SYT17: variants seen among roughly 807,000 people sequenced by gnomAD.
SYT17 encodes the protein synaptotagmin 17.
A neutral mutation model predicts 46.7 loss-of-function variants in SYT17; 22 were observed. The observed-to-expected ratio is 0.47, with a 90% CI of 0.34 to 0.67. SYT17 has a LOEUF of 0.67. Ranked by LOEUF, SYT17 falls within the 30% of genes least tolerant of loss-of-function variation. SYT17 has a pLI of 0.01. For missense variants in SYT17, 519 were observed against 612.8 expected (o/e 0.85, Z 1.62); for synonymous variants, 251 against 248.4 (o/e 1.01, Z -0.10).
chr16:19,223,178 TCCC>T lies in SYT17; in HGVS notation c.1072+15_1072+17del. The T allele has an allele frequency of 1.2e-6, 2 of 1,611,486 alleles. No individual in the cohort carries two copies. The highest frequency in any genetic ancestry group is 1.7e-6 in the Non-Finnish European group (2 of 1,178,010). On this transcript the variant is annotated intron_variant, in intron 6 of 7. Coordinates refer to ENST00000355377, the MANE Select transcript of SYT17 (RefSeq NM_016524.4). ...AGCCAAGGTTCAGGTACCGTGTGAT[TCCC>T]CTCTTCTCTCACTTTATTAATGGGG...
At chr16:19,212,395 C>T (rs1239890303) in intron 5 of SYT17, among the ~76,000 whole-genome samples, 2 of 152,002 alleles carry the variant, frequency 1.3e-5, no homozygotes, top group African/African-American at 4.8e-5. Flanking sequence ...CCAAGGTGGG[C>T]AGATCACTTG....
chr16:19,181,039 C>A (rs1964534513), intron 4 of SYT17, among the ~76,000 whole-genome samples: 1 of 152,136 alleles, frequency 6.6e-6, no homozygotes, highest in East Asian at 1.9e-4. Context: ...AGCAAATGCC[C>A]CATTGAAAGG....
chr16:19,199,004 C>CTGG lies in SYT17; in HGVS notation c.951+14862_951+14864dup, dbSNP rs1290444201. ...GTCGGTGGGTGGGTGGCCCAGGTTTCTGGTGGTAAGCTCCAGAGAGAACAT... is the reference window on the plus strand; with the variant it reads ...GTCGGTGGGTGGGTGGCCCAGGTTTCTGGTGGTGGTAAGCTCCAGAGAGAACAT... On this transcript the variant is annotated intron_variant, in intron 5 of 7. Transcript: ENST00000355377. 2.0e-5 allele frequency among the ~76,000 whole-genome samples: 3 copies of CTGG among 152,120 alleles called. No homozygotes were observed. The East Asian group carries it at 5.8e-4, about 29-fold the overall frequency.
rs756756446 is a variant in SYT17, at chr16:19,168,635, G to A, written c.-12G>A. On this transcript the variant is annotated 5_prime_UTR_variant, in exon 1 of 8. Coordinates refer to ENST00000355377, the MANE Select transcript of SYT17 (RefSeq NM_016524.4). This position sits in a 1 kb window ranked among gnomAD's most constrained non-coding sequence, Gnocchi z 6.9. ...GCCATGCCCGGGCCGGAGTGAGTGCGCGCGGGCGAAAATGGCGTACATCCA... is the reference window on the plus strand; with the variant it reads ...GCCATGCCCGGGCCGGAGTGAGTGCACGCGGGCGAAAATGGCGTACATCCA... 1.3e-6 allele frequency: 2 copies of A among 1,538,632 alleles called. No individual in the cohort carries two copies. Among genetic ancestry groups the A allele is most frequent in the Admixed American group, 2.0e-5 (1 of 50,386 alleles).
At chr16:19,198,964 T>C (rs1965357489) in intron 5 of SYT17, among the ~76,000 whole-genome samples, 2 of 152,210 alleles carry the variant, frequency 1.3e-5, no homozygotes, top group Non-Finnish European at 1.5e-5. Context: ...AAGATGAGGC[T>C]ATGAGCTCTG....
Position 19,168,497 on chromosome 16 carries a change from C to G in SYT17, c.-150C>G. 9.3e-7 allele frequency: 1 copy of G among 1,080,598 alleles called. No individual in the cohort carries two copies. Among genetic ancestry groups the G allele is most frequent in the Non-Finnish European group, 1.3e-6 (1 of 760,046 alleles). 66.9% of individuals were successfully genotyped at this position (1,080,598 alleles called of 1,614,324 possible). On this transcript the variant is annotated 5_prime_UTR_variant, in exon 1 of 8. Coordinates refer to ENST00000355377, the MANE Select transcript of SYT17 (RefSeq NM_016524.4). This position sits in a 1 kb window ranked among gnomAD's most constrained non-coding sequence, Gnocchi z 6.9. ...GGGGCGGCCGGCGGAGGGGCGGGCG[C>G]CGCTCATCAGCCACGCCAGTCACGT...
chr16:19,219,551 C>G (rs1002999562), intron 5 of SYT17, among the ~76,000 whole-genome samples: 4 of 152,102 alleles, frequency 2.6e-5, no homozygotes, highest in African/African-American at 9.7e-5. Flanking sequence ...CACTCCCTTT[C>G]AATCAACTGC....
chr16:19,210,897 A>G (rs1340479626), intron 5 of SYT17, among the ~76,000 whole-genome samples: 1 of 152,170 alleles, frequency 6.6e-6, no homozygotes, highest in Admixed American at 6.5e-5. Flanking sequence ...TTCAAAGCAA[A>G]CCTGTCAGGA....
intron 5 of SYT17, among the ~76,000 whole-genome samples, chr16:19,208,291 T>A (rs1268550893): frequency 6.6e-6 from 1 of 152,140 alleles, no homozygotes; most frequent in Non-Finnish European, 1.5e-5. Context: ...TCTGCAATTA[T>A]TGGAGGTGTA....
chr16:19,183,779 GACCTGCTGCACA>G lies in SYT17; in HGVS notation c.587_598del (p.Leu196_Asn199del), dbSNP rs758761368. The G allele has an allele frequency of 6.2e-7, 1 of 1,614,162 alleles. No individual in the cohort carries two copies. Among genetic ancestry groups the G allele is most frequent in the South Asian group, 1.1e-5 (1 of 91,092 alleles). Reference sequence around the variant, plus strand: ...CATGCTGCACTTCAGCACTCAGTACGACCTGCTGCACAACCACCTCACCGTGCGCGTGATCGA... The same window carrying G: ...CATGCTGCACTTCAGCACTCAGTACGACCACCTCACCGTGCGCGTGATCGA... On this transcript the variant is annotated inframe_deletion, in exon 5 of 8. Transcript: ENST00000355377. This position sits in a 1 kb window ranked among gnomAD's most constrained non-coding sequence, Gnocchi z 5.6.
At chr16:19,223,480 G>A (rs1361832047) in intron 6 of SYT17, among the ~76,000 whole-genome samples, 4 of 152,218 alleles carry the variant, frequency 2.6e-5, no homozygotes, top group Admixed American at 2.0e-4. Flanking sequence ...CAATGAGCGT[G>A]GAGGACACAC....
rs772817598 is a variant in SYT17, at chr16:19,173,416, C to T, written c.34-14C>T. On this transcript the variant is annotated splice_polypyrimidine_tract_variant and intron_variant, in intron 2 of 7. Coordinates refer to ENST00000355377, the MANE Select transcript of SYT17 (RefSeq NM_016524.4). ...CTCCCCCATCCCCCCGCCCACCTCC[C>T]CCAATGGCCTCAGGGTTTTCTTTCT... is the stretch of plus-strand genomic sequence containing the variant. 6.8e-5 allele frequency: 105 copies of T among 1,541,292 alleles called. No homozygotes were observed. Among genetic ancestry groups the T allele is most frequent in the Non-Finnish European group, 1.1e-5 (12 of 1,137,438 alleles).
At chr16:19,230,801 G>C (rs573726448) in intron 7 of SYT17, among the ~76,000 whole-genome samples, 2 of 152,240 alleles carry the variant, frequency 1.3e-5, no homozygotes, top group East Asian at 3.9e-4. Context: ...CTGTAAAATG[G>C]GGATAATGGT....
At chr16:19,222,802 A>G (rs751458890) in intron 5 of SYT17, among the ~76,000 whole-genome samples, 8 of 152,176 alleles carry the variant, frequency 5.3e-5, no homozygotes, top group Non-Finnish European at 8.8e-5. Context: ...TTAAAAAATT[A>G]TTGCTGCTTT....
At chr16:19,211,699 C>T (rs1393056546) in intron 5 of SYT17, among the ~76,000 whole-genome samples, 4 of 151,822 alleles carry the variant, frequency 2.6e-5, no homozygotes, top group Non-Finnish European at 5.9e-5. Context: ...CAGCTCACTG[C>T]AAGCTCCGCT....
At chr16:19,171,030 A>T (rs1023481873) in intron 1 of SYT17, 3 of 152,118 alleles carry the variant, frequency 2.0e-5, no homozygotes, top group Non-Finnish European at 4.4e-5. Flanking sequence ...TCCACTAAAG[A>T]AGAGGTAACC....
intron 7 of SYT17, among the ~76,000 whole-genome samples, chr16:19,231,523 C>CAAAAAAAAAAAAAAAAACAAAAAA (rs1966683875): frequency 2.2e-5 from 1 of 45,850 alleles, no homozygotes; most frequent in Non-Finnish European, 4.1e-5. Context: ...AACTCCATCA[C>CAAAAAAAAAAAAAAAAACAAAAAA]AAAAAAAAAA....
rs1963956673 is a variant in SYT17 at position 19,168,614 on chromosome 16, T to C, written c.-33T>C. 2.6e-6 allele frequency: 4 copies of C among 1,540,936 alleles called. No individual in the cohort carries two copies. Among genetic ancestry groups the C allele is most frequent in the East Asian group, 2.6e-5 (1 of 39,102 alleles). On this transcript the variant is annotated 5_prime_UTR_variant, in exon 1 of 8. The change abolishes an upstream ATG in the 5' untranslated region. Coordinates refer to ENST00000355377, the MANE Select transcript of SYT17 (RefSeq NM_016524.4). The surrounding 1 kb of genome is among the most constrained non-coding windows in gnomAD (Gnocchi z 6.9). ...GGGCAAAGTGGCCGTGGCGGCGCCA[T>C]GCCCGGGCCGGAGTGAGTGCGCGCG...
At position 19,196,895 on chromosome 16, in the gene SYT17, TCA is replaced by T. The variant is rs1255010222; in HGVS notation, c.951+12749_951+12750del. 3.3e-5 allele frequency among the ~76,000 whole-genome samples: 5 copies of T among 152,292 alleles called. No individual in the cohort carries two copies. In the East Asian group the frequency reaches 9.6e-4, roughly 29 times the overall value. ...CAAAATACTTGATAATTTGAGGTGC[TCA>T]GAGTTATGTGCTCATTGGACCCGGT... On this transcript the variant is annotated intron_variant, in intron 5 of 7. Coordinates refer to ENST00000355377, the MANE Select transcript of SYT17 (RefSeq NM_016524.4).
Sources: gnomAD v4.1 joint callset for allele counts (sites outside exome capture counted in the v4.1 genomes callset) on GRCh38, gnomAD v4.1.1 for gene constraint, Gnocchi (gnomAD v3.1) non-coding constraint, MANE v1.5 for transcripts, NCBI Gene and HGNC (gene_info 2026-07-23, HGNC 2026-07-21) for gene names.